PCDHGA11: variants seen among roughly 807,000 people sequenced by gnomAD.
The protein encoded by PCDHGA11 is protocadherin gamma-A11.
A neutral mutation model predicts 60.4 loss-of-function variants in PCDHGA11; 39 were observed. The ratio of observed to expected loss-of-function variants is 0.65; its 90% CI spans 0.50 to 0.84. The LOEUF (loss-of-function observed/expected upper bound fraction) is 0.84. Among genes scored for constraint, PCDHGA11 ranks in the 40% least tolerant of loss-of-function variants. PCDHGA11 has a pLI of 0.00. For missense variants in PCDHGA11, 1,165 were observed against 1,197.7 expected, an observed-to-expected ratio of 0.97 and a Z score of 0.40; for synonymous variants, 533 against 510.3, an observed-to-expected ratio of 1.04 and a Z score of -0.60.
rs371807105 is a variant in PCDHGA11 at position 141,476,586 on chromosome 5, A to G, written c.2434-18221A>G. ...GCTCCGGGGACGCGCTTTCCGCTCG[A>G]GAGCGCGCACGATCCCGATGTGGGA... is the stretch of plus-strand genomic sequence containing the variant. On this transcript the variant is annotated intron_variant, in intron 1 of 3. Coordinates refer to ENST00000398587, the MANE Select transcript of PCDHGA11 (RefSeq NM_018914.3). This position sits in a 1 kb window ranked among gnomAD's most constrained non-coding sequence, Gnocchi z 7.6. The G allele has an allele frequency of 6.2e-7, 1 of 1,614,222 alleles. No homozygotes were observed. The highest frequency in any genetic ancestry group is 8.5e-7 in the Non-Finnish European group (1 of 1,180,032).
At position 141,484,932 on chromosome 5, in the gene PCDHGA11, C is replaced by T. The variant is rs1594431677; in HGVS notation, c.2434-9875C>T. On this transcript the variant is annotated intron_variant, in intron 1 of 3. Coordinates refer to ENST00000398587, the MANE Select transcript of PCDHGA11 (RefSeq NM_018914.3). ...CGCATTAACCCTGCTGCTGTTGGGA[C>T]GTTCTCTGCTCAGCCTATTGGCTGA... 1.2e-5 allele frequency: 6 copies of T among 501,356 alleles called. No individual in the cohort carries two copies. The East Asian group carries it at 1.4e-4, about 12-fold the overall frequency. 31.1% of individuals were successfully genotyped at this position (501,356 alleles called of 1,614,324 possible).
chr5:141,428,013 C>T, intron 1 of PCDHGA11: 4 of 1,603,660 alleles, frequency 2.5e-6, no homozygotes, highest in Non-Finnish European at 3.4e-6. Flanking sequence ...CGATATAGTG[C>T]CACGCGCCGC....
chr5:141,477,253 G>A lies in PCDHGA11; in HGVS notation c.2434-17554G>A, dbSNP rs1303718568. The A allele has an allele frequency of 1.9e-6, 3 of 1,614,154 alleles. No individual in the cohort carries two copies. The highest frequency in any genetic ancestry group is 2.2e-5 in the South Asian group (2 of 91,070). Reference sequence around the variant, plus strand: ...TCGCTTTGCTCAGTGTGACTGACCTGGATGCTGGCGAGAACGGGCTGGTGA... The same window carrying A: ...TCGCTTTGCTCAGTGTGACTGACCTAGATGCTGGCGAGAACGGGCTGGTGA... On this transcript the variant is annotated intron_variant, in intron 1 of 3. Transcript: ENST00000398587. This position sits in a 1 kb window ranked among gnomAD's most constrained non-coding sequence, Gnocchi z 4.9.
Position 141,432,563 on chromosome 5 carries a change from G to T in PCDHGA11, c.2433+8903G>T. 2 of 1,613,912 alleles carry T rather than the reference G, an allele frequency of 1.2e-6. No homozygotes were observed. Among genetic ancestry groups the T allele is most frequent in the Non-Finnish European group, 1.7e-6 (2 of 1,179,996 alleles). The stretch of plus-strand genomic sequence containing the variant: ...GGTGGACAGAGACTCCGGCCAGAAC[G>T]CCTGGCTGTCCTACCGTCTGCTCAA... On this transcript the variant is annotated intron_variant, in intron 1 of 3. Transcript: ENST00000398587. The surrounding 1 kb of genome is among the most constrained non-coding windows in gnomAD (Gnocchi z 6.0).
At chr5:141,503,802 G>A (rs2099831646) in intron 2 of PCDHGA11, among the ~76,000 whole-genome samples, 1 of 151,998 alleles carries the variant, frequency 6.6e-6, no homozygotes, top group South Asian at 2.1e-4. Context: ...CTTAGGGACG[G>A]GGAATCCCAG....
chr5:141,464,707 A>G (rs1052234067), intron 1 of PCDHGA11, among the ~76,000 whole-genome samples: 13 of 152,112 alleles, frequency 8.5e-5, no homozygotes, highest in African/African-American at 3.1e-4. Flanking sequence ...ATGAGGTTAA[A>G]TAGTTTTTCA....
intron 1 of PCDHGA11, among the ~76,000 whole-genome samples, chr5:141,473,366 A>T (rs1292258135): frequency 1.3e-5 from 2 of 152,202 alleles, no homozygotes; most frequent in Non-Finnish European, 2.9e-5. Context: ...GGCCACCAAA[A>T]TAGCATGGTC....
At chr5:141,500,723 G>A (rs6875791) in intron 2 of PCDHGA11, among the ~76,000 whole-genome samples, 4,890 of 152,100 alleles carry the variant, frequency 0.032, 255 homozygotes, top group African/African-American at 0.11. Flanking sequence ...ATTTCCCCAT[G>A]TCTTTCAAAA....
rs1224625072 is a variant in PCDHGA11 at position 141,490,972 on chromosome 5, C to A, written c.2434-3835C>A. On this transcript the variant is annotated intron_variant, in intron 1 of 3. Transcript: ENST00000398587. The surrounding 1 kb of genome is among the most constrained non-coding windows in gnomAD (Gnocchi z 5.4). ...AGACTGGGAACACTCAGCCCCCCAG[C>A]GTCTCCCTCGCTCTGCTCCTCCTGG... is the stretch of plus-strand genomic sequence containing the variant. 2 of 1,613,912 alleles carry A rather than the reference C, an allele frequency of 1.2e-6. No individual in the cohort carries two copies. Among genetic ancestry groups the A allele is most frequent in the Non-Finnish European group, 1.7e-6 (2 of 1,179,922 alleles).
chr5:141,422,639 C>A lies in PCDHGA11; in HGVS notation c.1412C>A (p.Ser471Tyr), dbSNP rs777330051. The A allele has an allele frequency of 6.2e-7, 1 of 1,612,780 alleles. No individual in the cohort carries two copies. Among genetic ancestry groups the A allele is most frequent in the South Asian group, 1.1e-5 (1 of 90,892 alleles). The change falls in exon 1 of 4, where the codon TCC becomes TAC. Residue 471 changes from serine (S) to tyrosine (Y), a missense_variant. By Grantham distance (144) the Ser-to-Tyr change is moderately radical. Coordinates refer to ENST00000398587, the MANE Select transcript of PCDHGA11 (RefSeq NM_018914.3). ...YIPENNPRGA[S>Y]IFSVTALDPD... is the part of the protein sequence containing the mutation. The stretch of plus-strand genomic sequence containing the variant: ...CCCGAAAACAACCCCAGGGGTGCCT[C>A]CATCTTCTCAGTGACCGCCCTCGAC...
At chr5:141,497,013 A>G (rs2099773320) in intron 2 of PCDHGA11, among the ~76,000 whole-genome samples, 1 of 151,990 alleles carries the variant, frequency 6.6e-6, no homozygotes, top group Admixed American at 6.6e-5. Context: ...ACATGGTGAA[A>G]CCCCATCTCG....
chr5:141,423,053 T>C lies in PCDHGA11; in HGVS notation c.1826T>C (p.Leu609Pro), dbSNP rs200154593. 1.4e-4 allele frequency: 219 copies of C among 1,614,170 alleles called. 1 individual carries two copies. The African/African-American group carries it at 2.5e-3, about 18-fold the overall frequency. ...SGQNAWLSYR[L>P]LKASEPGLFA... is the part of the protein sequence containing the mutation. ...CAGAACGCCTGGCTGTCCTATCGCCTGCTTAAGGCCAGCGAGCCGGGACTC... is the reference window on the plus strand; with the variant it reads ...CAGAACGCCTGGCTGTCCTATCGCCCGCTTAAGGCCAGCGAGCCGGGACTC... Residue 609 changes from leucine (L) to proline (P), a missense_variant, in exon 1 of 4, where the codon CTG becomes CCG. Coordinates refer to ENST00000398587, the MANE Select transcript of PCDHGA11 (RefSeq NM_018914.3).
chr5:141,490,585 G>C lies in PCDHGA11; in HGVS notation c.2434-4222G>C. On this transcript the variant is annotated intron_variant, in intron 1 of 3. Transcript: ENST00000398587. The surrounding 1 kb of genome is among the most constrained non-coding windows in gnomAD (Gnocchi z 5.4). Reference sequence around the variant, plus strand: ...CAGGCTCAACATTTCAGATGTCAATGACAATGCACCCCGCTTCAACCAGCA... The same window carrying C: ...CAGGCTCAACATTTCAGATGTCAATCACAATGCACCCCGCTTCAACCAGCA... The C allele has an allele frequency of 6.2e-7, 1 of 1,614,142 alleles. No homozygotes were observed. Among genetic ancestry groups the C allele is most frequent in the South Asian group, 1.1e-5 (1 of 91,078 alleles).
At chr5:141,454,666 A>G (rs1561955978) in intron 1 of PCDHGA11, among the ~76,000 whole-genome samples, 1 of 152,104 alleles carries the variant, frequency 6.6e-6, no homozygotes, top group Non-Finnish European at 1.5e-5. Context: ...TCGGCCTCCC[A>G]AAACACTGGG....
intron 1 of PCDHGA11, chr5:141,427,536 G>T (rs758610182): frequency 1.6e-6 from 1 of 626,396 alleles, no homozygotes; most frequent in Non-Finnish European, 3.0e-6. Context: ...GGAGTACAAC[G>T]TCACCATCAC....
At chr5:141,480,703 C>G (rs577131684) in intron 1 of PCDHGA11, among the ~76,000 whole-genome samples, 1 of 152,134 alleles carries the variant, frequency 6.6e-6, no homozygotes, top group African/African-American at 2.4e-5. Context: ...GGCCACACCC[C>G]GACAAATGAA....
At position 141,432,579 on chromosome 5, in the gene PCDHGA11, G is replaced by A. The variant is rs769224543; in HGVS notation, c.2433+8919G>A. 6.2e-7 allele frequency: 1 copy of A among 1,613,860 alleles called. No homozygotes were observed. Among genetic ancestry groups the A allele is most frequent in the Non-Finnish European group, 8.5e-7 (1 of 1,179,984 alleles). On this transcript the variant is annotated intron_variant, in intron 1 of 3. Transcript: ENST00000398587. The surrounding 1 kb of genome is among the most constrained non-coding windows in gnomAD (Gnocchi z 6.0). ...GGCCAGAACGCCTGGCTGTCCTACC[G>A]TCTGCTCAAGGCCAGCGAGCCGGGA...
At chr5:141,480,935 C>G (rs1297213622) in intron 1 of PCDHGA11, among the ~76,000 whole-genome samples, 1 of 152,092 alleles carries the variant, frequency 6.6e-6, no homozygotes, top group Non-Finnish European at 1.5e-5. Flanking sequence ...GTCCCAGCTA[C>G]TCTAGAGGCT....
intron 1 of PCDHGA11, among the ~76,000 whole-genome samples, chr5:141,460,951 G>GTATATA (rs200454978): frequency 7.2e-6 from 1 of 139,722 alleles, no homozygotes; most frequent in African/African-American, 2.8e-5. Flanking sequence ...TATGTATTAT[G>GTATATA]TATATATATA....
Sources: allele counts gnomAD v4.1 joint callset (sites outside exome capture counted in the v4.1 genomes callset), GRCh38; gene constraint gnomAD v4.1.1; non-coding constraint Gnocchi (gnomAD v3.1); transcripts MANE v1.5; gene names NCBI Gene and HGNC (gene_info 2026-07-23, HGNC 2026-07-21).